EXO1: variants seen among roughly 807,000 people sequenced by gnomAD.
EXO1 encodes exonuclease 1.
A neutral mutation model predicts 84.5 loss-of-function variants in EXO1; 69 were observed. The ratio of observed to expected loss-of-function variants is 0.82; its 90% CI spans 0.67 to 1.00. The LOEUF (loss-of-function observed/expected upper bound fraction) is 1.00. Ranked by LOEUF, EXO1 falls within the 50% of genes least tolerant of loss-of-function variation. EXO1 has a pLI of 0.00. For synonymous variants in EXO1, 373 were observed against 366.1 expected, an observed-to-expected ratio of 1.02 and a Z score of -0.21; for missense variants, 1,045 against 1,000.7, an observed-to-expected ratio of 1.04 and a Z score of -0.60.
intron 5 of EXO1, 113 bp from the exon 6 acceptor site, chr1:241,853,245 G>C: frequency 9.0e-7 from 1 of 1,110,272 alleles, no homozygotes; most frequent in Non-Finnish European, 1.4e-6. Flanking sequence ...ACTTTCTAAT[G>C]AGTCAAAAAC....
chr1:241,858,804 C>G (rs745457274), intron 8 of EXO1, 86 bp downstream of exon 8: 6 of 928,092 alleles, frequency 6.5e-6, no homozygotes, highest in Non-Finnish European at 1.0e-5. Flanking sequence ...TTTAAATATT[C>G]TGTTATGCGA....
intron 10 of EXO1, among the ~76,000 whole-genome samples, chr1:241,862,590 A>G (rs979589695): frequency 6.6e-6 from 1 of 152,244 alleles, no homozygotes; most frequent in African/African-American, 2.4e-5. Flanking sequence ...TTATTACTGT[A>G]TAACATGCTT....
At chr1:241,858,473 T>C (rs1284713827) in intron 7 of EXO1, 33 bp from the exon 8 acceptor site, 1 of 1,449,336 alleles carries the variant, frequency 6.9e-7, no homozygotes, top group Non-Finnish European at 9.7e-7. Flanking sequence ...AAGTGGCCCT[T>C]CTAGGTATTA....
intron 15 of EXO1, among the ~76,000 whole-genome samples, chr1:241,887,325 G>C (rs1395167029): frequency 6.6e-6 from 1 of 152,100 alleles, no homozygotes; most frequent in Non-Finnish European, 1.5e-5. Context: ...GTTATGTGAG[G>C]TGTGAGCCAC....
At chr1:241,873,112 T>C (rs1014206963) in intron 12 of EXO1, among the ~76,000 whole-genome samples, 15 of 152,000 alleles carry the variant, frequency 9.9e-5, no homozygotes, top group Non-Finnish European at 2.1e-4. Context: ...CTAGGGTACA[T>C]GTGTACAACG....
intron 14 of EXO1, among the ~76,000 whole-genome samples, chr1:241,884,305 G>A (rs987005112): frequency 2.0e-5 from 3 of 151,824 alleles, no homozygotes; most frequent in Admixed American, 6.6e-5. Flanking sequence ...CCTTTATTTT[G>A]TTTTAACTTT....
intron 12 of EXO1, among the ~76,000 whole-genome samples, chr1:241,876,030 A>G (rs1662383826): frequency 1.3e-5 from 2 of 152,176 alleles, no homozygotes; most frequent in African/African-American, 4.8e-5. Flanking sequence ...TTTGGAGACA[A>G]CAAATGAGAA....
intron 13 of EXO1, among the ~76,000 whole-genome samples, chr1:241,881,607 C>A (rs558172449): frequency 1.3e-5 from 2 of 152,186 alleles, no homozygotes; most frequent in Non-Finnish European, 2.9e-5. Flanking sequence ...ACGTGCGTAA[C>A]GCAGCGTTTT....
chr1:241,885,659 TTATA>T, intron 15 of EXO1, 152 bp downstream of exon 15: 1 of 692,270 alleles, frequency 1.4e-6, no homozygotes, highest in Non-Finnish European at 2.6e-6. Flanking sequence ...AGCTAACTCT[TTATA>T]CTTAATATCA....
At chr1:241,853,701 C>A (rs1452341021) in intron 6 of EXO1, among the ~76,000 whole-genome samples, 1 of 151,892 alleles carries the variant, frequency 6.6e-6, no homozygotes, top group Non-Finnish European at 1.5e-5. Context: ...TCTTTTAAGT[C>A]ATGTTATTCC....
At position 241,850,407 on chromosome 1, in the gene EXO1, AG is replaced by A. The variant is rs1660594886; in HGVS notation, c.-17del. The stretch of plus-strand genomic sequence containing the variant: ...TGTTCTCCCTGTCTCTTTTCATATC[AG>A]GTAGTTAATTTGGCACCATGGGGAT... On this transcript the variant is annotated splice_acceptor_variant, in intron 3 of 15. Coordinates refer to ENST00000366548, the MANE Select transcript of EXO1 (RefSeq NM_130398.4). LOFTEE classifies it low-confidence loss of function (5UTR_SPLICE). 1 of 1,594,076 alleles carries A rather than the reference AG, an allele frequency of 6.3e-7. No individual in the cohort carries two copies. The highest frequency in any genetic ancestry group is 1.3e-5 in the African/African-American group (1 of 74,488).
intron 10 of EXO1, among the ~76,000 whole-genome samples, chr1:241,862,718 C>G (rs1427791113): frequency 6.6e-6 from 1 of 152,190 alleles, no homozygotes; most frequent in East Asian, 1.9e-4. Flanking sequence ...GTGTTAGCCA[C>G]AGGTCTCTTT....
chr1:241,852,379 T>G lies in EXO1; in HGVS notation c.249T>G (p.Pro83=), dbSNP rs1660721891. The G allele has an allele frequency of 1.9e-6, 3 of 1,593,496 alleles. No individual in the cohort carries two copies. The African/African-American group carries it at 4.0e-5, about 21-fold the overall frequency. Residue 83 remains proline, a synonymous_variant, in exon 5 of 16, where the codon CCT becomes CCG. Coordinates refer to ENST00000366548, the MANE Select transcript of EXO1 (RefSeq NM_130398.4). Reference sequence around the variant, plus strand: ...TCGTATTTGATGGATGTACTTTACCTTCTAAAAAGGAAGTAGAGAGATCTA... The same window carrying G: ...TCGTATTTGATGGATGTACTTTACCGTCTAAAAAGGAAGTAGAGAGATCTA... The part of the protein sequence containing the change: ...PILVFDGCTL[P]SKKEVERSRR...
chr1:241,873,816 A>G (rs1662248068), intron 12 of EXO1, among the ~76,000 whole-genome samples: 1 of 152,076 alleles, frequency 6.6e-6, no homozygotes, highest in Non-Finnish European at 1.5e-5. Context: ...GAAGGAAGGG[A>G]TGAGTGTTGG....
In EXO1 at chr1:241,866,276, G is replaced by A. The variant is rs566251850; in HGVS notation, c.1042-554G>A. 9.9e-5 allele frequency among the ~76,000 whole-genome samples: 15 copies of A among 152,234 alleles called. 1 individual carries two copies. The South Asian group carries it at 3.1e-3, about 32-fold the overall frequency. ...TTACAGGCACACGCCACCACACCTG[G>A]CTAATTTTTGTACTTTTAGTAGTGG... On this transcript the variant is annotated intron_variant, in intron 10 of 15. Transcript: ENST00000366548.
At chr1:241,886,531 T>TA (rs1202225026) in intron 15 of EXO1, among the ~76,000 whole-genome samples, 2 of 152,208 alleles carry the variant, frequency 1.3e-5, no homozygotes, top group African/African-American at 2.4e-5. Flanking sequence ...TGTAAATAAG[T>TA]AAGTGCTGGA....
rs759955633 is a variant in EXO1, at chr1:241,879,296, A to C, written c.2062A>C (p.Asn688His). ...TGGAGAATTCTCACTGCAGAGTTCA[A>C]ATGCATCAAAGCTTTCTCAGTGCTC... is the stretch of plus-strand genomic sequence containing the variant. ...ESGEFSLQSS[N>H]ASKLSQCSSK... Residue 688 changes from asparagine (N) to histidine (H), a missense_variant, in exon 13 of 16, where the codon AAT becomes CAT. Asn to His is a moderately conservative substitution (Grantham distance 68, BLOSUM62 1). Coordinates refer to ENST00000366548, the MANE Select transcript of EXO1 (RefSeq NM_130398.4). 6.2e-7 allele frequency: 1 copy of C among 1,606,106 alleles called. No individual in the cohort carries two copies. Among genetic ancestry groups the C allele is most frequent in the Non-Finnish European group, 8.5e-7 (1 of 1,177,840 alleles).
At chr1:241,851,161 A>C (rs1660651968) in intron 4 of EXO1, among the ~76,000 whole-genome samples, 1 of 152,202 alleles carries the variant, frequency 6.6e-6, no homozygotes, top group African/African-American at 2.4e-5. Flanking sequence ...TTTTTTAACA[A>C]ATGCTTTGAA....
intron 13 of EXO1, among the ~76,000 whole-genome samples, chr1:241,880,875 GTCT>G (rs1335493826): frequency 6.6e-6 from 1 of 152,168 alleles, no homozygotes; most frequent in East Asian, 1.9e-4. Context: ...TGAGGTTGAA[GTCT>G]TCTTAGGACC....
Sources: allele counts gnomAD v4.1 joint callset (sites outside exome capture counted in the v4.1 genomes callset), GRCh38; gene constraint gnomAD v4.1.1; transcripts MANE v1.5; gene names NCBI Gene and HGNC (gene_info 2026-07-23, HGNC 2026-07-21).